Variants in GPR65 observed in about 807,000 individuals in gnomAD.
GPR65 encodes G protein-coupled receptor 65, also known as T-cell death-associated gene 8 protein.
In GPR65, 2 loss-of-function variants were observed where a neutral mutation model predicts 0.7. The observed-to-expected ratio is 2.83, with a 90% CI of 1.16 to 8.92. The LOEUF (loss-of-function observed/expected upper bound fraction) is 8.92, where lower values mean the gene tolerates loss of function less well. Ranked by LOEUF, GPR65 falls within the 30% of genes most tolerant of loss-of-function variation. The pLI is 0.04. For missense variants in GPR65, 379 were observed against 399.4 expected (o/e 0.95, Z 0.43); for synonymous variants, 128 against 146.5 (o/e 0.87, Z 0.91).
chr14:88,006,251 C>T (rs8005161), intron 1 of GPR65, among the ~76,000 whole-genome samples: 27,503 of 152,148 alleles, frequency 0.18, 3,655 homozygotes, highest in African/African-American at 0.37. Flanking sequence ...TACCAGCTAA[C>T]GTACAGTGAA....
In GPR65 at chr14:88,014,266, T is replaced by C. The variant is rs1402877024; in HGVS notation, c.*2405T>C. On this transcript the variant is annotated 3_prime_UTR_variant, in exon 2 of 2. Coordinates refer to ENST00000267549, the MANE Select transcript of GPR65 (RefSeq NM_003608.4). Reference sequence around the variant, plus strand: ...TCTTGCAGGAATGTGGATATAGCATTAAAAATATGTCTTTGTATACTTATC... The same window carrying C: ...TCTTGCAGGAATGTGGATATAGCATCAAAAATATGTCTTTGTATACTTATC... The C allele has an allele frequency of 6.6e-6, 1 of 152,226 alleles. No homozygotes were observed. The highest frequency in any genetic ancestry group is 1.5e-5 in the Non-Finnish European group (1 of 68,042). 9.4% of individuals were successfully genotyped at this position (152,226 alleles called of 1,614,324 possible).
chr14:88,007,784 C>CTGTGTA (rs1555385216), intron 1 of GPR65, among the ~76,000 whole-genome samples: 1 of 114,028 alleles, frequency 8.8e-6, no homozygotes, highest in African/African-American at 3.6e-5. Context: ...ATTATTCTCT[C>CTGTGTA]TGTGTGTATG....
In GPR65 at chr14:88,012,924, T is replaced by G. The variant is rs907278330; in HGVS notation, c.*1063T>G. ...ATAGGCTCTGAGTTTTATTTTGATC[T>G]CTTTTTAATTTATAACTGGGTATAA... On this transcript the variant is annotated 3_prime_UTR_variant, in exon 2 of 2. Transcript: ENST00000267549. 6.6e-6 allele frequency: 1 copy of G among 152,228 alleles called. No individual in the cohort carries two copies. Among genetic ancestry groups the G allele is most frequent in the Non-Finnish European group, 1.5e-5 (1 of 68,040 alleles). The allele number at this position is 152,228 out of a possible 1,614,324, so 9.4% of individuals were successfully genotyped here. A position where few individuals can be genotyped will look rare whatever the true frequency, so the allele number is the denominator to read the frequency against.
chr14:88,007,829 G>T (rs1887618741), intron 1 of GPR65, among the ~76,000 whole-genome samples: 1 of 142,364 alleles, frequency 7.0e-6, no homozygotes, highest in Non-Finnish European at 1.5e-5. Context: ...TGTGAATAAG[G>T]TCATATTTGT....
At position 88,011,839 on chromosome 14, in the gene GPR65, T is replaced by C; in HGVS notation, c.992T>C (p.Met331Thr). 1 of 1,570,232 alleles carries C rather than the reference T, an allele frequency of 6.4e-7. No homozygotes were observed. Among genetic ancestry groups the C allele is most frequent in the Non-Finnish European group, 8.6e-7 (1 of 1,157,392 alleles). Residue 331 changes from methionine to threonine, a missense_variant, in exon 2 of 2, where the codon ATG becomes ACG. Transcript: ENST00000267549. The stretch of plus-strand genomic sequence containing the variant: ...CTTTCTGTGTCTACAAAAGATACTA[T>C]GGAATTAGAGGTCCTTGAGTAGAAC... Reference protein sequence around the residue: ...RILSVSTKDTMELEVLE With the variant: ...RILSVSTKDTTELEVLE
Position 88,011,709 on chromosome 14 carries a change from A to G in GPR65, c.862A>G (p.Ile288Val). 2 of 1,613,954 alleles carry G rather than the reference A, an allele frequency of 1.2e-6. No homozygotes were observed. Among genetic ancestry groups the G allele is most frequent in the Non-Finnish European group, 1.7e-6 (2 of 1,179,876 alleles). ...AAGTTTAAATTGTGTTGCTGATCCA[A>G]TTCTGTACTGTTTTGTAACCGAAAC... ...LTSLNCVADP[I>V]LYCFVTETGR... Residue 288 changes from isoleucine to valine, a missense_variant, in exon 2 of 2, where the codon ATT becomes GTT. By Grantham distance (29) the Ile-to-Val change is conservative (BLOSUM62 3). Coordinates refer to ENST00000267549, the MANE Select transcript of GPR65 (RefSeq NM_003608.4).
intron 1 of GPR65, among the ~76,000 whole-genome samples, chr14:88,006,878 T>TTAGA (rs1887602482): frequency 2.6e-5 from 4 of 152,188 alleles, no homozygotes; most frequent in Admixed American, 1.3e-4. Context: ...GTTATATCCT[T>TTAGA]TAGAAGTTTC....
In GPR65 at chr14:88,014,384, A is replaced by C. The variant is rs1326774918; in HGVS notation, c.*2523A>C. 6.6e-6 allele frequency: 1 copy of C among 152,226 alleles called. No homozygotes were observed. The highest frequency in any genetic ancestry group is 2.4e-5 in the African/African-American group (1 of 41,454). 9.4% of individuals were successfully genotyped at this position (152,226 alleles called of 1,614,324 possible). On this transcript the variant is annotated 3_prime_UTR_variant, in exon 2 of 2. Transcript: ENST00000267549. ...GTTTGCATTTTTGTCTACTATTATG[A>C]AATTATTATCTATGAAATTCAAGCT... is the stretch of plus-strand genomic sequence containing the variant.
At chr14:88,009,489 G>A (rs1426237237) in intron 1 of GPR65, among the ~76,000 whole-genome samples, 1 of 152,070 alleles carries the variant, frequency 6.6e-6, no homozygotes. Flanking sequence ...TTTGTGCTCA[G>A]GATTCATCAA....
At chr14:88,009,044 G>A (rs1216669291) in intron 1 of GPR65, among the ~76,000 whole-genome samples, 4 of 152,098 alleles carry the variant, frequency 2.6e-5, no homozygotes, top group Non-Finnish European at 4.4e-5. Flanking sequence ...GCAAATGTCT[G>A]TGGAATTTAT....
At position 88,010,642 on chromosome 14, in the gene GPR65, C is replaced by G. The variant is rs982799149; in HGVS notation, c.-206C>G. 3 of 509,204 alleles carry G rather than the reference C, an allele frequency of 5.9e-6. No homozygotes were observed. The highest frequency in any genetic ancestry group is 1.0e-5 in the Non-Finnish European group (3 of 287,006). 31.5% of individuals were successfully genotyped at this position (509,204 alleles called of 1,614,324 possible). ...TTGCCAGGAGCCTGGATTTTTACTTCCAACTGCTGATATCTGTGTAAAAAT... is the reference window on the plus strand; with the variant it reads ...TTGCCAGGAGCCTGGATTTTTACTTGCAACTGCTGATATCTGTGTAAAAAT... On this transcript the variant is annotated 5_prime_UTR_variant, in exon 2 of 2. Transcript: ENST00000267549.
chr14:88,007,114 T>C (rs116496499), intron 1 of GPR65, among the ~76,000 whole-genome samples: 2,491 of 152,330 alleles, frequency 0.016, 74 homozygotes, highest in African/African-American at 0.056. Context: ...ATCTTTCCTC[T>C]CTGGCTCTTT....
Position 88,010,718 on chromosome 14 carries a change from A to G in GPR65, c.-130A>G, listed in dbSNP as rs1887662038. 1.6e-6 allele frequency: 1 copy of G among 639,690 alleles called. No individual in the cohort carries two copies. Among genetic ancestry groups the G allele is most frequent in the South Asian group, 2.0e-5 (1 of 49,604 alleles). The allele number at this position is 639,690 out of a possible 1,614,324, so 39.6% of individuals were successfully genotyped here. On this transcript the variant is annotated 5_prime_UTR_variant, in exon 2 of 2. Transcript: ENST00000267549. ...ATTGATGAATTAATTAGAACTTTAG[A>G]CAACAAAGAAAAATTGAAAAAGAAT...
In GPR65 at chr14:88,010,467, G is replaced by C. The variant is rs1284986832; in HGVS notation, c.-381G>C. 5.6e-6 allele frequency: 1 copy of C among 179,828 alleles called. No individual in the cohort carries two copies. Among genetic ancestry groups the C allele is most frequent in the East Asian group, 1.4e-4 (1 of 7,226 alleles). The allele number at this position is 179,828 out of a possible 1,614,324, so 11.1% of individuals were successfully genotyped here. A position where few individuals can be genotyped will look rare whatever the true frequency, so the allele number is the denominator to read the frequency against. ...ATATTCATGTTTGCACCAATCTACTGTGAGATTTATGAAGAAAAACAAATT... is the reference window on the plus strand; with the variant it reads ...ATATTCATGTTTGCACCAATCTACTCTGAGATTTATGAAGAAAAACAAATT... On this transcript the variant is annotated 5_prime_UTR_variant, in exon 2 of 2. Transcript: ENST00000267549.
intron 1 of GPR65, among the ~76,000 whole-genome samples, chr14:88,006,704 G>C (rs1377169618): frequency 6.6e-6 from 1 of 152,020 alleles, no homozygotes; most frequent in Non-Finnish European, 1.5e-5. Context: ...CGACTTTCTC[G>C]GTCCTGGTCT....
At chr14:88,006,657 C>T (rs1474185233) in intron 1 of GPR65, among the ~76,000 whole-genome samples, 5 of 152,032 alleles carry the variant, frequency 3.3e-5, no homozygotes, top group African/African-American at 4.8e-5. Context: ...TTGAGTAACA[C>T]GGACAAAGGA....
chr14:88,006,125 G>A (rs908272629), intron 1 of GPR65, among the ~76,000 whole-genome samples: 1 of 152,150 alleles, frequency 6.6e-6, no homozygotes, highest in Non-Finnish European at 1.5e-5. Context: ...TACACTCTGA[G>A]CACCTCCAGC....
chr14:88,009,677 T>C (rs886369017), intron 1 of GPR65, among the ~76,000 whole-genome samples: 1 of 152,196 alleles, frequency 6.6e-6, no homozygotes, highest in Non-Finnish European at 1.5e-5. Flanking sequence ...CTTATGTGAA[T>C]CTATGACATC....
At position 88,010,967 on chromosome 14, in the gene GPR65, C is replaced by A. The variant is rs1195652408; in HGVS notation, c.120C>A (p.Phe40Leu). 4.3e-6 allele frequency: 7 copies of A among 1,612,868 alleles called. No homozygotes were observed. Among genetic ancestry groups the A allele is most frequent in the Non-Finnish European group, 5.1e-6 (6 of 1,179,014 alleles). Reference protein sequence around the residue: ...PANIGSLCVSFLQAKKESELG... With the variant: ...PANIGSLCVSLLQAKKESELG... Reference sequence around the variant, plus strand: ...ATATTGGATCTCTGTGTGTGTCTTTCCTGCAAGCAAAGAAGGAAAGTGAAC... The same window carrying A: ...ATATTGGATCTCTGTGTGTGTCTTTACTGCAAGCAAAGAAGGAAAGTGAAC... The change falls in exon 2 of 2, where the codon TTC (phenylalanine) becomes TTA (leucine). Residue 40 changes from phenylalanine (F) to leucine (L), a missense_variant. Phe to Leu is a conservative substitution (Grantham distance 22). Coordinates refer to ENST00000267549, the MANE Select transcript of GPR65 (RefSeq NM_003608.4).
Sources: allele counts gnomAD v4.1 joint callset (sites outside exome capture counted in the v4.1 genomes callset), GRCh38; gene constraint gnomAD v4.1.1; transcripts MANE v1.5; gene names NCBI Gene and HGNC (gene_info 2026-07-23, HGNC 2026-07-21).